Variants in FOXN3 observed in about 807,000 individuals in gnomAD.
The protein encoded by FOXN3 is forkhead box N3.
In FOXN3, 7 loss-of-function variants were observed where a neutral mutation model predicts 38.4. The ratio of observed to expected loss-of-function variants is 0.18; its 90% CI spans 0.10 to 0.34. The LOEUF is 0.34. Ranked by LOEUF, FOXN3 falls within the 10% of genes least tolerant of loss-of-function variation. The probability of loss-of-function intolerance (pLI) is 1.00; values close to 1 mark genes in which losing one functional copy is unlikely to be tolerated. For missense variants in FOXN3, 456 were observed against 613.4 expected, an observed-to-expected ratio of 0.74 and a Z score of 2.71; for synonymous variants, 230 against 242.2, an observed-to-expected ratio of 0.95 and a Z score of 0.47.
At chr14:89,587,857 C>G (rs934583363) in intron 1 of FOXN3, among the ~76,000 whole-genome samples, 2 of 107,138 alleles carry the variant, frequency 1.9e-5, no homozygotes, top group African/African-American at 7.4e-5. Flanking sequence ...AAGAGTAAGA[C>G]TCTGTCTCAG....
chr14:89,268,842 G>T (rs1019788895), intron 4 of FOXN3, among the ~76,000 whole-genome samples: 3 of 152,172 alleles, frequency 2.0e-5, no homozygotes, highest in African/African-American at 7.2e-5. Context: ...GTCCTGACAG[G>T]GTTCCTGGAA....
At chr14:89,338,636 A>C (rs1158400951) in intron 3 of FOXN3, among the ~76,000 whole-genome samples, 6 of 152,164 alleles carry the variant, frequency 3.9e-5, no homozygotes, top group Admixed American at 3.9e-4. Flanking sequence ...TCTACTAAAA[A>C]TACAGAAATT....
At chr14:89,354,110 G>C (rs1167432634) in intron 2 of FOXN3, among the ~76,000 whole-genome samples, 1 of 152,202 alleles carries the variant, frequency 6.6e-6, no homozygotes, top group Non-Finnish European at 1.5e-5. Flanking sequence ...TAATAGGAGA[G>C]AGAAGGCTAT....
chr14:89,463,023 C>T lies in FOXN3; in HGVS notation c.-14-50533G>A, dbSNP rs146771252. On this transcript the variant is annotated intron_variant, in intron 1 of 6. Transcript: ENST00000345097. ...TTAAAAAGCCACCAGACCGGCCAGG[C>T]GCAGTGGCTGTAATCCCAGCACTTT... 5.5e-3 allele frequency among the ~76,000 whole-genome samples: 829 copies of T among 151,460 alleles called. 6 individuals are homozygous for T. The highest frequency in any genetic ancestry group is 0.041 in the Middle Eastern group (12 of 294).
intron 3 of FOXN3, among the ~76,000 whole-genome samples, chr14:89,337,174 A>G (rs1470998880): frequency 1.3e-5 from 2 of 152,364 alleles, no homozygotes; most frequent in Admixed American, 6.5e-5. Context: ...TTCTGCACAC[A>G]GATTTGGTAG....
chr14:89,354,276 G>A (rs1031302589), intron 2 of FOXN3, among the ~76,000 whole-genome samples: 11 of 151,118 alleles, frequency 7.3e-5, no homozygotes, highest in African/African-American at 2.7e-4. Flanking sequence ...TGCCCAGGCT[G>A]GAGCGCAGTG....
chr14:89,538,578 G>A (rs978080901), intron 1 of FOXN3, among the ~76,000 whole-genome samples: 16 of 152,108 alleles, frequency 1.1e-4, no homozygotes, highest in African/African-American at 1.4e-4. Flanking sequence ...GAATGCAATG[G>A]CACGATCTTG....
chr14:89,319,264 C>CAT (rs1179872105), intron 3 of FOXN3, among the ~76,000 whole-genome samples: 1 of 152,130 alleles, frequency 6.6e-6, no homozygotes, highest in Non-Finnish European at 1.5e-5. Context: ...AGCGTACAGT[C>CAT]ATGCTCATGG....
chr14:89,592,911 C>T lies in FOXN3; in HGVS notation c.-15+26117G>A, dbSNP rs538829602. Among the ~76,000 whole-genome samples the T allele has an allele frequency of 5.3e-5, 8 of 152,054 alleles. No individual in the cohort carries two copies. The South Asian group carries it at 6.2e-4, about 12-fold the overall frequency. Reference sequence around the variant, plus strand: ...AGAACAGGAAAATCAAAGTGGAAGGCGTGCATTATTTGCCAAGTTTGAGCA... The same window carrying T: ...AGAACAGGAAAATCAAAGTGGAAGGTGTGCATTATTTGCCAAGTTTGAGCA... On this transcript the variant is annotated intron_variant, in intron 1 of 6. Coordinates refer to the FOXN3 transcript ENST00000345097.
At chr14:89,406,092 G>A (rs1056991147) in intron 2 of FOXN3, among the ~76,000 whole-genome samples, 4 of 152,120 alleles carry the variant, frequency 2.6e-5, no homozygotes, top group African/African-American at 9.7e-5. Flanking sequence ...GACTACAGGT[G>A]CGTGCCACAA....
At chr14:89,353,535 T>A (rs1281476522) in intron 2 of FOXN3, 1 of 152,090 alleles carries the variant, frequency 6.6e-6, no homozygotes, top group East Asian at 1.9e-4. Flanking sequence ...CCCCTCTATT[T>A]TCATCACTCC....
At chr14:89,183,513 T>C (rs1401945956) in intron 4 of FOXN3, among the ~76,000 whole-genome samples, 2 of 151,916 alleles carry the variant, frequency 1.3e-5, no homozygotes, top group Non-Finnish European at 2.9e-5. Flanking sequence ...AAATATACTA[T>C]GGTACATGCT....
chr14:89,398,231 C>T (rs747507961), intron 2 of FOXN3, among the ~76,000 whole-genome samples: 2 of 152,158 alleles, frequency 1.3e-5, no homozygotes, highest in Non-Finnish European at 2.9e-5. Context: ...CCCCAGTCCC[C>T]AGGATAAAGT....
At chr14:89,576,552 C>CCAAAA (rs1895625729) in intron 1 of FOXN3, 1 of 147,300 alleles carries the variant, frequency 6.8e-6, no homozygotes, top group South Asian at 2.1e-4. Context: ...AAAAAAAAAC[C>CCAAAA]CAAAACAAAA....
chr14:89,232,360 G>A (rs1414682360), intron 4 of FOXN3, among the ~76,000 whole-genome samples: 1 of 152,142 alleles, frequency 6.6e-6, no homozygotes, highest in Non-Finnish European at 1.5e-5. Flanking sequence ...TAGACCCCGA[G>A]TGCTTTAATC....
chr14:89,533,429 C>A (rs1894615247), intron 1 of FOXN3, among the ~76,000 whole-genome samples: 1 of 152,068 alleles, frequency 6.6e-6, no homozygotes, highest in Admixed American at 6.5e-5. Context: ...TTTGGGAGAC[C>A]CAGGCGGGCG....
chr14:89,358,089 C>T (rs770125871), intron 2 of FOXN3, among the ~76,000 whole-genome samples: 4 of 151,826 alleles, frequency 2.6e-5, no homozygotes, highest in Admixed American at 1.3e-4. Flanking sequence ...CCAGGTCCAA[C>T]GGCTTCTCAA....
chr14:89,179,098 G>A (rs1887598484), intron 5 of FOXN3, among the ~76,000 whole-genome samples: 1 of 152,198 alleles, frequency 6.6e-6, no homozygotes, highest in Admixed American at 6.5e-5. Flanking sequence ...TACCACTTAG[G>A]AACTCAAGAA....
chr14:89,535,804 A>G (rs394499), intron 1 of FOXN3, among the ~76,000 whole-genome samples: 54,484 of 152,082 alleles, frequency 0.36, 10,291 homozygotes, highest in South Asian at 0.56. Flanking sequence ...TTACCTCTTC[A>G]TAATATGGAT....
Sources: allele counts gnomAD v4.1 joint callset (sites outside exome capture counted in the v4.1 genomes callset), GRCh38; gene constraint gnomAD v4.1.1; transcripts MANE v1.5; gene names NCBI Gene and HGNC (gene_info 2026-07-23, HGNC 2026-07-21).